The following ANGPT1 variants were observed in gnomAD, a reference collection of about 807,000 sequenced individuals.
ANGPT1 encodes the protein angiopoietin 1, also known as angiopoietin-1.
A neutral mutation model predicts 62.2 loss-of-function variants in ANGPT1; 17 were observed. The ratio of observed to expected loss-of-function variants is 0.27; its 90% CI spans 0.19 to 0.41. The LOEUF (loss-of-function observed/expected upper bound fraction) is 0.41, where lower values mean the gene tolerates loss of function less well. Among genes scored for constraint, ANGPT1 ranks in the 10% least tolerant of loss-of-function variants. The probability of loss-of-function intolerance (pLI) is 1.00; values close to 1 mark genes in which losing one functional copy is unlikely to be tolerated. For missense variants in ANGPT1, 478 were observed against 594.9 expected, an observed-to-expected ratio of 0.80 and a Z score of 2.04; for synonymous variants, 199 against 198.9, an observed-to-expected ratio of 1.00 and a Z score of 0.00.
chr8:107,272,479 G>T (rs542961323), intron 7 of ANGPT1, among the ~76,000 whole-genome samples: 1 of 152,030 alleles, frequency 6.6e-6, no homozygotes, highest in Non-Finnish European at 1.5e-5. Context: ...GTAGAATTTA[G>T]ATAAAATGAG....
rs1222463297 is a variant in ANGPT1 at position 107,250,478 on chromosome 8, C to A, written c.*1377G>T. On this transcript the variant is annotated 3_prime_UTR_variant, in exon 9 of 9. Transcript: ENST00000517746. ...TAATAGTTTTGCCAATTTTTCTCCC[C>A]TGATAATAATTTTTAAAAATTAAAA... 1 of 151,834 alleles carries A rather than the reference C, an allele frequency of 6.6e-6. No individual in the cohort carries two copies. The highest frequency in any genetic ancestry group is 2.4e-5 in the African/African-American group (1 of 41,326). 9.4% of individuals were successfully genotyped at this position (151,834 alleles called of 1,614,324 possible).
At chr8:107,408,388 A>G (rs183822685) in intron 1 of ANGPT1, among the ~76,000 whole-genome samples, 2 of 152,310 alleles carry the variant, frequency 1.3e-5, no homozygotes, top group Non-Finnish European at 2.9e-5. Context: ...ATAAGTTTGA[A>G]AAGATTGCTT....
chr8:107,284,196 A>G (rs1357864048), intron 7 of ANGPT1: 5 of 152,216 alleles, frequency 3.3e-5, no homozygotes, highest in Non-Finnish European at 7.3e-5. Flanking sequence ...CCTCTAAATC[A>G]TGCCTCATCT....
chr8:107,253,206 G>A (rs975110513), intron 8 of ANGPT1, among the ~76,000 whole-genome samples: 5 of 152,162 alleles, frequency 3.3e-5, no homozygotes, highest in African/African-American at 7.2e-5. Flanking sequence ...ATTATATTCC[G>A]TGCAGTTTTA....
chr8:107,316,725 T>C (rs1249856867), intron 4 of ANGPT1, among the ~76,000 whole-genome samples: 2 of 152,152 alleles, frequency 1.3e-5, no homozygotes, highest in East Asian at 3.8e-4. Context: ...CTCTCTAAAT[T>C]CATTTTAAGA....
At chr8:107,385,593 T>C (rs150228677) in intron 1 of ANGPT1, among the ~76,000 whole-genome samples, 194 of 152,234 alleles carry the variant, frequency 1.3e-3, no homozygotes, top group Non-Finnish European at 2.2e-3. Context: ...TAGTTTAACT[T>C]CCTTTCTTCC....
At chr8:107,410,059 A>G (rs1358645026) in intron 1 of ANGPT1, among the ~76,000 whole-genome samples, 1 of 152,186 alleles carries the variant, frequency 6.6e-6, no homozygotes, top group Non-Finnish European at 1.5e-5. Context: ...AGGGGGAAAT[A>G]ATCAGGGCCA....
chr8:107,414,444 T>G (rs1810684274), intron 1 of ANGPT1, among the ~76,000 whole-genome samples: 1 of 152,206 alleles, frequency 6.6e-6, no homozygotes, highest in Admixed American at 6.5e-5. Flanking sequence ...CATTATACCC[T>G]ATAAATATAT....
At chr8:107,342,890 C>T (rs758214160) in intron 2 of ANGPT1, among the ~76,000 whole-genome samples, 3 of 151,192 alleles carry the variant, frequency 2.0e-5, no homozygotes, top group Non-Finnish European at 4.4e-5. Flanking sequence ...TGCTGGAGTG[C>T]AGTGGTGTGA....
In ANGPT1 at chr8:107,284,836, G is replaced by A; in HGVS notation, c.1051C>T (p.Pro351Ser). Residue 351 changes from proline (P) to serine (S), a missense_variant, in exon 7 of 9, where the codon CCC (proline) becomes TCC (serine). By Grantham distance (74) the Pro-to-Ser change is moderately conservative. Transcript: ENST00000517746. ...TTCCCCAGCCAATATTCACCGGAGG[G>A]ATTTCCAAAACCCTGGGAAACAATA... Reference protein sequence around the residue: ...WKEYKMGFGNPSGEYWLGNEF... With the variant: ...WKEYKMGFGNSSGEYWLGNEF... The A allele has an allele frequency of 1.3e-6, 2 of 1,595,812 alleles. No homozygotes were observed. Among genetic ancestry groups the A allele is most frequent in the Non-Finnish European group, 1.7e-6 (2 of 1,168,730 alleles).
chr8:107,341,301 AAAG>A (rs1815690882), intron 2 of ANGPT1, among the ~76,000 whole-genome samples: 1 of 152,212 alleles, frequency 6.6e-6, no homozygotes, highest in Non-Finnish European at 1.5e-5. Context: ...AGGGTAAACT[AAAG>A]GTCATAATAA....
At chr8:107,363,720 C>T (rs1039511927) in intron 1 of ANGPT1, among the ~76,000 whole-genome samples, 18 of 152,038 alleles carry the variant, frequency 1.2e-4, no homozygotes, top group Non-Finnish European at 2.2e-4. Flanking sequence ...ATTAAACTGC[C>T]TCAGTGGGCA....
intron 2 of ANGPT1, among the ~76,000 whole-genome samples, chr8:107,344,832 G>A (rs1815769042): frequency 6.6e-6 from 1 of 152,114 alleles, no homozygotes; most frequent in Non-Finnish European, 1.5e-5. Context: ...TTTTATAAAT[G>A]CTTATTATAA....
Position 107,497,395 on chromosome 8 carries a change from C to G in ANGPT1, c.164G>C (p.Arg55Pro), listed in dbSNP as rs1340477853. 3.1e-6 allele frequency: 5 copies of G among 1,614,054 alleles called. No homozygotes were observed. The highest frequency in any genetic ancestry group is 3.3e-5 in the Admixed American group (2 of 59,990). ...FILPEHDGNC[R>P]ESTTDQYNTN... is the part of the protein sequence containing the mutation. ...GTTGTACTGGTCTGTCGTACTCTCA[C>G]GACAGTTGCCATCGTGTTCTGGAAG... Residue 55 changes from arginine (R) to proline (P), a missense_variant, in exon 1 of 9, where the codon CGT becomes CCT. Physicochemically the swap from Arg to Pro is moderately radical, Grantham distance 103 (BLOSUM62 -2). Around this residue, in one of 4 missense-constraint regions of ANGPT1, gnomAD observed 343 missense variants for 355.4 expected, o/e 0.97. Transcript: ENST00000517746.
At chr8:107,487,107 C>T (rs1439910595) in intron 1 of ANGPT1, among the ~76,000 whole-genome samples, 16 of 152,110 alleles carry the variant, frequency 1.1e-4, no homozygotes, top group Non-Finnish European at 1.0e-4. Flanking sequence ...CACTGTGTCA[C>T]CCCTCCCCCA....
At chr8:107,268,543 G>A (rs1813667864) in intron 7 of ANGPT1, among the ~76,000 whole-genome samples, 1 of 151,442 alleles carries the variant, frequency 6.6e-6, no homozygotes, top group Non-Finnish European at 1.5e-5. Context: ...AAGGCATTAT[G>A]CAGATAGAAT....
intron 1 of ANGPT1, among the ~76,000 whole-genome samples, chr8:107,350,316 C>G (rs1221060673): frequency 6.6e-6 from 1 of 152,060 alleles, no homozygotes; most frequent in Non-Finnish European, 1.5e-5. Context: ...TCAGTGAGCT[C>G]CAATACAAGA....
chr8:107,413,009 T>A (rs1166852375), intron 1 of ANGPT1, among the ~76,000 whole-genome samples: 1 of 152,078 alleles, frequency 6.6e-6, no homozygotes, highest in African/African-American at 2.4e-5. Flanking sequence ...AAAAATCAAC[T>A]AAAAAGATGT....
chr8:107,488,866 A>G (rs1043149647), intron 1 of ANGPT1, among the ~76,000 whole-genome samples: 3 of 152,208 alleles, frequency 2.0e-5, no homozygotes, highest in Non-Finnish European at 4.4e-5. Flanking sequence ...AAGAGTGAAG[A>G]CAAGAACATT....
Sources: gnomAD v4.1 joint callset for allele counts (sites outside exome capture counted in the v4.1 genomes callset) on GRCh38, gnomAD v4.1.1 for gene constraint, gnomAD v4.1.1 regional missense constraint, MANE v1.5 for transcripts, NCBI Gene and HGNC (gene_info 2026-07-23, HGNC 2026-07-21) for gene names.